ARL5C: variants seen among roughly 807,000 people sequenced by gnomAD.
ARL5C encodes putative ADP-ribosylation factor-like protein 5C.
ARL5C carries 21 observed loss-of-function variants against 20.8 expected under a neutral mutation model. The observed-to-expected ratio is 1.01, with a 90% CI of 0.72 to 1.46. The LOEUF (loss-of-function observed/expected upper bound fraction) is 1.46, where lower values mean the gene tolerates loss of function less well. Ranked by LOEUF, ARL5C falls within the 40% of genes most tolerant of loss-of-function variation. The pLI is 0.00. For missense variants in ARL5C, 199 were observed against 225.1 expected, an observed-to-expected ratio of 0.88 and a Z score of 0.74; for synonymous variants, 71 against 81.6, an observed-to-expected ratio of 0.87 and a Z score of 0.70.
rs895608118 is a variant in ARL5C, at chr17:39,159,070, C to T, written c.491+1521G>A. 3.2e-5 allele frequency among the ~76,000 whole-genome samples: 3 copies of T among 94,904 alleles called. No homozygotes were observed. The East Asian group carries it at 1.1e-3, about 35-fold the overall frequency. 62.3% of individuals were successfully genotyped at this position (94,904 alleles called of 152,430 possible). ...TTTTTGAGACAGGATCTTGCTATGTCACCCAGACTGGAGTGCAGCAACATG... is the reference window on the plus strand; with the variant it reads ...TTTTTGAGACAGGATCTTGCTATGTTACCCAGACTGGAGTGCAGCAACATG... On this transcript the variant is annotated intron_variant, in intron 5 of 5. Coordinates refer to ENST00000269586, the MANE Select transcript of ARL5C (RefSeq NM_001143968.1).
intron 2 of ARL5C, among the ~76,000 whole-genome samples, chr17:39,164,804 G>A (rs1173656473): frequency 6.6e-6 from 1 of 152,178 alleles, no homozygotes; most frequent in African/African-American, 2.4e-5. Flanking sequence ...CAGGGAGGCA[G>A]TTTGGGACAC....
Position 39,165,565 on chromosome 17 carries a change from G to C in ARL5C, c.46+150C>G, listed in dbSNP as rs930127600. 26 of 913,274 alleles carry C rather than the reference G, an allele frequency of 2.8e-5. No individual in the cohort carries two copies. In the African/African-American group the frequency reaches 3.5e-4, roughly 12 times the overall value. 56.6% of individuals were successfully genotyped at this position (913,274 alleles called of 1,614,324 possible). On this transcript the variant is annotated intron_variant, in intron 1 of 5. Coordinates refer to ENST00000269586, the MANE Select transcript of ARL5C (RefSeq NM_001143968.1). ...GGACCCAAGAGGAGCAGGCAGGGAC[G>C]GGGGCAGGGGAGGCCGCGGGGCAGT...
chr17:39,165,685 G>T, intron 1 of ARL5C, 30 bp downstream of exon 1: 4 of 1,551,646 alleles, frequency 2.6e-6, no homozygotes, highest in Non-Finnish European at 3.5e-6. Context: ...AGATCAAAGC[G>T]CTCGCTTGGA....
At chr17:39,165,673 C>A in intron 1 of ARL5C, 42 bp downstream of exon 1, 2 of 1,551,106 alleles carry the variant, frequency 1.3e-6, no homozygotes, top group South Asian at 1.2e-5. Flanking sequence ...CAGAAGAGGG[C>A]GAGATCAAAG....
At chr17:39,160,892 T>C in intron 4 of ARL5C, 150 bp from the exon 5 acceptor site, 1 of 879,536 alleles carries the variant, frequency 1.1e-6, no homozygotes, top group Non-Finnish European at 1.7e-6. Context: ...CCTGCCACAA[T>C]GGTAGCAACC....
At chr17:39,159,259 A>G (rs963686313) in intron 5 of ARL5C, among the ~76,000 whole-genome samples, 6 of 142,430 alleles carry the variant, frequency 4.2e-5, no homozygotes, top group African/African-American at 1.6e-4. Context: ...GCTTTTCTCA[A>G]ACTCCTGGCC....
chr17:39,165,770 C>G lies in ARL5C; in HGVS notation c.-10G>C, dbSNP rs373730174. ...CGATCAGCTGTCCCATGGCACTTCC[C>G]GGGCCGGACAGGTGCAGGAGGGCTC... On this transcript the variant is annotated 5_prime_UTR_variant, in exon 1 of 6. Coordinates refer to ENST00000269586, the MANE Select transcript of ARL5C (RefSeq NM_001143968.1). 1 of 1,551,762 alleles carries G rather than the reference C, an allele frequency of 6.4e-7. No homozygotes were observed. The highest frequency in any genetic ancestry group is 1.2e-5 in the South Asian group (1 of 84,062).
intron 5 of ARL5C, among the ~76,000 whole-genome samples, chr17:39,157,658 C>A (rs1159327390): frequency 6.6e-6 from 1 of 151,924 alleles, no homozygotes; most frequent in African/African-American, 2.4e-5. Context: ...GGCATGTTGG[C>A]GCATGCCTGT....
At chr17:39,157,767 G>A (rs1236955588) in intron 5 of ARL5C, among the ~76,000 whole-genome samples, 2 of 148,152 alleles carry the variant, frequency 1.3e-5, no homozygotes, top group Non-Finnish European at 3.0e-5. Flanking sequence ...TCCAGCCTGG[G>A]CAACAAGAGT....
chr17:39,156,824 G>A (rs1261033867), downstream of ARL5C: 2 of 1,517,668 alleles, frequency 1.3e-6, no homozygotes, highest in Non-Finnish European at 1.8e-6. Context: ...GTAATAAATA[G>A]CCACTTGATT....
intron 1 of ARL5C, 64 bp from the exon 2 acceptor site, chr17:39,165,203 C>G: frequency 6.7e-7 from 1 of 1,491,704 alleles, no homozygotes; most frequent in Middle Eastern, 1.7e-4. Context: ...CTGTGTGCCC[C>G]CACCAGACCT....
At chr17:39,164,161 T>C (rs1597669389) in intron 2 of ARL5C, 1 of 151,864 alleles carries the variant, frequency 6.6e-6, no homozygotes, top group Non-Finnish European at 1.5e-5. Flanking sequence ...TGATCTCAGG[T>C]GATCCGCCCG....
chr17:39,162,269 A>T (rs1259404731), intron 3 of ARL5C, among the ~76,000 whole-genome samples: 1 of 152,144 alleles, frequency 6.6e-6, no homozygotes, highest in Non-Finnish European at 1.5e-5. Flanking sequence ...AATTTTCACA[A>T]CAACTTAGGG....
Position 39,165,196 on chromosome 17 carries a change from T to A in ARL5C, c.47-57A>T, listed in dbSNP as rs1227594394. ...GCCAAACCCGAAGACCAAGGGACTG[T>A]GTGCCCCCACCAGACCTCCCAGGAA... On this transcript the variant is annotated intron_variant, in intron 1 of 5. Coordinates refer to ENST00000269586, the MANE Select transcript of ARL5C (RefSeq NM_001143968.1). 3.9e-6 allele frequency: 6 copies of A among 1,524,644 alleles called. No individual in the cohort carries two copies. In the Admixed American group the frequency reaches 1.2e-4, roughly 30 times the overall value. The allele number at this position is 1,524,644 out of a possible 1,614,324, so 94.4% of individuals were successfully genotyped here. A position where few individuals can be genotyped will look rare whatever the true frequency, so the allele number is the denominator to read the frequency against.
chr17:39,156,772 T>G (rs541065438), downstream of ARL5C: 25 of 1,162,078 alleles, frequency 2.2e-5, no homozygotes, highest in Non-Finnish European at 3.1e-5. Context: ...TCAATCTCAC[T>G]GTCCATAGCA....
At chr17:39,157,161 C>G (rs2045409489) in intron 5 of ARL5C, among the ~76,000 whole-genome samples, 1 of 152,222 alleles carries the variant, frequency 6.6e-6, no homozygotes, top group African/African-American at 2.4e-5. Context: ...CTGAGGCTTA[C>G]TGTCTAGTAG....
intron 5 of ARL5C, among the ~76,000 whole-genome samples, chr17:39,157,425 A>G (rs1326401899): frequency 6.6e-6 from 1 of 152,192 alleles, no homozygotes; most frequent in Non-Finnish European, 1.5e-5. Flanking sequence ...GCATGGGTGG[A>G]GTCTTGGTCA....
At chr17:39,159,963 A>G (rs1221721469) in intron 5 of ARL5C, among the ~76,000 whole-genome samples, 2 of 152,226 alleles carry the variant, frequency 1.3e-5, no homozygotes, top group African/African-American at 4.8e-5. Context: ...CCTGACCACC[A>G]GAACTAAATC....
chr17:39,159,197 GTTTTTTTTTT>G (rs35119781), intron 5 of ARL5C, among the ~76,000 whole-genome samples: 10 of 97,312 alleles, frequency 1.0e-4, no homozygotes, highest in Non-Finnish European at 1.8e-4. Context: ...ACATCCAGCG[GTTTTTTTTTT>G]TTTTTTTTTT....
Sources: gnomAD v4.1 joint callset for allele counts (sites outside exome capture counted in the v4.1 genomes callset) on GRCh38, gnomAD v4.1.1 for gene constraint, MANE v1.5 for transcripts, NCBI Gene and HGNC (gene_info 2026-07-23, HGNC 2026-07-21) for gene names.